TAFA1: variants seen among roughly 807,000 people sequenced by gnomAD.
The protein encoded by TAFA1 is chemokine-like protein TAFA-1.
Under a neutral mutation model 18.5 loss-of-function variants are expected in TAFA1, and 4 were observed. The observed-to-expected ratio is 0.22, with a 90% CI of 0.11 to 0.49. The LOEUF (loss-of-function observed/expected upper bound fraction) is 0.49. Ranked by LOEUF, TAFA1 falls within the 20% of genes least tolerant of loss-of-function variation. The pLI, the probability that TAFA1 is intolerant of heterozygous loss-of-function variation, is 0.98. For missense variants in TAFA1, 147 were observed against 169.0 expected (o/e 0.87, Z 0.72); for synonymous variants, 56 against 55.2 (o/e 1.01, Z -0.06).
intron 2 of TAFA1, among the ~76,000 whole-genome samples, chr3:68,316,811 T>C (rs962546637): frequency 6.6e-6 from 1 of 152,204 alleles, no homozygotes; most frequent in African/African-American, 2.4e-5. Flanking sequence ...AATATTTGAA[T>C]TCAGTGGATT....
At chr3:68,420,104 TCA>T (rs1354024374) in intron 3 of TAFA1, among the ~76,000 whole-genome samples, 1 of 152,198 alleles carries the variant, frequency 6.6e-6, no homozygotes, top group Non-Finnish European at 1.5e-5. Context: ...TATATTTGAC[TCA>T]GTTTCTGTGT....
At chr3:68,034,810 G>A (rs1189457948) in intron 2 of TAFA1, among the ~76,000 whole-genome samples, 1 of 152,144 alleles carries the variant, frequency 6.6e-6, no homozygotes, top group Admixed American at 6.6e-5. Flanking sequence ...TTTTGGGCTG[G>A]ACACGTGCTG....
Position 68,294,176 on chromosome 3 carries a change from C to A in TAFA1, c.119-123104C>A, listed in dbSNP as rs7647010. ...AAAATTTAATTTTCTATGCACAATTCTTCCATTGGTCAAGGAATCGAAAGG... is the reference window on the plus strand; with the variant it reads ...AAAATTTAATTTTCTATGCACAATTATTCCATTGGTCAAGGAATCGAAAGG... On this transcript the variant is annotated intron_variant, in intron 2 of 4. Transcript: ENST00000478136. Among the ~76,000 whole-genome samples, 503 of 152,248 alleles carry A rather than the reference C, an allele frequency of 3.3e-3. 4 individuals carry two copies. The highest frequency in any genetic ancestry group is 0.012 in the African/African-American group (484 of 41,536).
At chr3:68,121,328 T>G (rs978624031) in intron 2 of TAFA1, among the ~76,000 whole-genome samples, 63 of 151,044 alleles carry the variant, frequency 4.2e-4, no homozygotes, top group African/African-American at 1.5e-3. Context: ...CTCCTATGAG[T>G]TAACTCAAGT....
At chr3:68,378,683 C>G (rs940985508) in intron 2 of TAFA1, among the ~76,000 whole-genome samples, 1 of 152,010 alleles carries the variant, frequency 6.6e-6, no homozygotes, top group Non-Finnish European at 1.5e-5. Context: ...TGTCCCCATG[C>G]AAATCTCATC....
In TAFA1 at chr3:68,472,503, T is replaced by TACACAC. The variant is rs144677943; in HGVS notation, c.259+55109_259+55114dup. Among the ~76,000 whole-genome samples the TACACAC allele has an allele frequency of 3.6e-3, 515 of 141,198 alleles. 3 individuals carry two copies. Among genetic ancestry groups the TACACAC allele is most frequent in the African/African-American group, 0.014 (481 of 35,142 alleles). The allele number at this position is 141,198 out of a possible 152,430, so 92.6% of individuals were successfully genotyped here. A position where few individuals can be genotyped will look rare whatever the true frequency, so the allele number is the denominator to read the frequency against. On this transcript the variant is annotated intron_variant, in intron 3 of 4. Transcript: ENST00000478136. Reference sequence around the variant, plus strand: ...TGTGACAAAGTTGTTTAGAACTAAATACACACACACACACACACACACACA... The same window carrying TACACAC: ...TGTGACAAAGTTGTTTAGAACTAAATACACACACACACACACACACACACACACACA...
At chr3:68,393,021 G>A (rs990346629) in intron 2 of TAFA1, among the ~76,000 whole-genome samples, 5 of 152,100 alleles carry the variant, frequency 3.3e-5, no homozygotes, top group African/African-American at 1.2e-4. Context: ...CAGAACTGAA[G>A]GAGATAGAGA....
At chr3:68,259,787 T>G (rs981892140) in intron 2 of TAFA1, among the ~76,000 whole-genome samples, 3 of 152,108 alleles carry the variant, frequency 2.0e-5, no homozygotes, top group African/African-American at 7.2e-5. Flanking sequence ...ACATTGATTT[T>G]GTATCCTGAG....
At chr3:68,011,622 A>T (rs1011229885) in intron 2 of TAFA1, among the ~76,000 whole-genome samples, 9 of 152,342 alleles carry the variant, frequency 5.9e-5, no homozygotes, top group South Asian at 4.1e-4. Context: ...GGGTTGTTTT[A>T]TAACTGTAAT....
intron 2 of TAFA1, among the ~76,000 whole-genome samples, chr3:68,299,617 C>T (rs1397939260): frequency 3.3e-5 from 5 of 152,308 alleles, no homozygotes; most frequent in Middle Eastern, 3.4e-3. Context: ...ATCATCAAAA[C>T]GATGGAGAAA....
chr3:68,000,881 A>C (rs1208528860), upstream of TAFA1, among the ~76,000 whole-genome samples: 1 of 152,240 alleles, frequency 6.6e-6, no homozygotes, highest in Non-Finnish European at 1.5e-5. Context: ...GGACATGGCC[A>C]GAAGAGTCTT....
chr3:68,478,277 G>A (rs2106647286), intron 3 of TAFA1, among the ~76,000 whole-genome samples: 1 of 152,310 alleles, frequency 6.6e-6, no homozygotes. Context: ...CAAGGCACCT[G>A]TGCATATTTA....
chr3:68,210,826 C>T (rs2066587407), intron 2 of TAFA1, among the ~76,000 whole-genome samples: 1 of 152,028 alleles, frequency 6.6e-6, no homozygotes, highest in Non-Finnish European at 1.5e-5. Context: ...GATTGATGAT[C>T]TCACACAGTT....
intron 2 of TAFA1, among the ~76,000 whole-genome samples, chr3:68,346,742 C>A (rs1019442561): frequency 8.5e-5 from 13 of 152,158 alleles, no homozygotes; most frequent in Admixed American, 8.5e-4. Flanking sequence ...GTAATTTGCA[C>A]AAGTTTAAAT....
intron 2 of TAFA1, among the ~76,000 whole-genome samples, chr3:68,045,479 A>G (rs1424369943): frequency 3.3e-5 from 5 of 152,158 alleles, no homozygotes; most frequent in Non-Finnish European, 7.3e-5. Flanking sequence ...CATAGTCAGG[A>G]AATGTGGGCT....
At chr3:68,239,316 A>G (rs2066968934) in intron 2 of TAFA1, among the ~76,000 whole-genome samples, 1 of 152,174 alleles carries the variant, frequency 6.6e-6, no homozygotes, top group Non-Finnish European at 1.5e-5. Flanking sequence ...TCAATAAGTT[A>G]TTAGAACTCA....
chr3:68,499,442 C>CTTTTTTTT (rs765191097), intron 3 of TAFA1, among the ~76,000 whole-genome samples: 1 of 88,080 alleles, frequency 1.1e-5, no homozygotes. Flanking sequence ...TTCTGTGTTC[C>CTTTTTTTT]TTTCTTTTTT....
intron 2 of TAFA1, among the ~76,000 whole-genome samples, chr3:68,167,276 T>C (rs749363889): frequency 6.6e-6 from 1 of 152,190 alleles, no homozygotes; most frequent in Non-Finnish European, 1.5e-5. Flanking sequence ...TCAGAATCAC[T>C]GCATAAAAGT....
intron 3 of TAFA1, among the ~76,000 whole-genome samples, chr3:68,534,370 G>A (rs13060400): frequency 0.18 from 27,290 of 152,078 alleles, 2,556 homozygotes; most frequent in Middle Eastern, 0.26. Context: ...TAAAAACATC[G>A]ATAATCTTGG....
Sources: gnomAD v4.1 joint callset for allele counts (sites outside exome capture counted in the v4.1 genomes callset) on GRCh38, gnomAD v4.1.1 for gene constraint, MANE v1.5 for transcripts, NCBI Gene and HGNC (gene_info 2026-07-23, HGNC 2026-07-21) for gene names.